The following GAN variants were observed in gnomAD, a reference collection of about 807,000 sequenced individuals.
GAN encodes the protein epididymis secretory sperm binding protein.
In GAN, 48 loss-of-function variants were observed where a neutral mutation model predicts 71.3. The observed-to-expected ratio is 0.67, with a 90% CI of 0.53 to 0.86. GAN has a LOEUF of 0.86. Among genes scored for constraint, GAN ranks in the 40% least tolerant of loss-of-function variants. The pLI is 0.00. For synonymous variants in GAN, 386 were observed against 276.8 expected (o/e 1.39, Z -3.92); for missense variants, 928 against 770.1 (o/e 1.21, Z -2.43).
intron 9 of GAN, among the ~76,000 whole-genome samples, chr16:81,368,933 GTTC>G (rs1910949646): frequency 6.6e-6 from 1 of 152,144 alleles, no homozygotes; most frequent in Non-Finnish European, 1.5e-5. Flanking sequence ...AAAGGTAATA[GTTC>G]TTAGCCACCT....
At chr16:81,335,388 G>A (rs374616498) in intron 1 of GAN, among the ~76,000 whole-genome samples, 24 of 152,130 alleles carry the variant, frequency 1.6e-4, no homozygotes, top group Non-Finnish European at 3.4e-4. Context: ...AGGCCGAGGC[G>A]GGCATATCAC....
chr16:81,318,078 G>C (rs1909105348), intron 1 of GAN, among the ~76,000 whole-genome samples: 1 of 152,110 alleles, frequency 6.6e-6, no homozygotes, highest in Admixed American at 6.5e-5. Flanking sequence ...ATTTTTACTG[G>C]TAATTTTAAT....
rs1352682074 is a variant in GAN at position 81,362,600 on chromosome 16, C to T, written c.1075C>T (p.Pro359Ser). 7.2e-6 allele frequency: 11 copies of T among 1,518,716 alleles called. No individual in the cohort carries two copies. Among genetic ancestry groups the T allele is most frequent in the East Asian group, 2.2e-5 (1 of 44,496 alleles). The allele number at this position is 1,518,716 out of a possible 1,614,324, so 94.1% of individuals were successfully genotyped here. ...TGCAAATACATGGACAGCATTGCCA[C>T]CTATGAACGAGGTAAAACACTAGTT... Reference protein sequence around the residue: ...PDANTWTALPPMNEARHNFGI... With the variant: ...PDANTWTALPSMNEARHNFGI... The change falls in exon 6 of 11, where the codon CCT (proline) becomes TCT (serine). Residue 359 changes from proline to serine, a missense_variant. Transcript: ENST00000648994.
chr16:81,350,539 A>G (rs1474791995), intron 1 of GAN, among the ~76,000 whole-genome samples: 1 of 146,552 alleles, frequency 6.8e-6, no homozygotes, highest in Non-Finnish European at 1.5e-5. Context: ...TTTTTGAGGC[A>G]GAGTCTCGCT....
chr16:81,316,973 C>T (rs1209718784), intron 1 of GAN, among the ~76,000 whole-genome samples: 1 of 152,204 alleles, frequency 6.6e-6, no homozygotes, highest in African/African-American at 2.4e-5. Flanking sequence ...ATTCTCCTGC[C>T]TCAGCCTCCC....
chr16:81,315,401 C>G, intron 1 of GAN, 121 bp downstream of exon 1: 1 of 627,128 alleles, frequency 1.6e-6, no homozygotes, highest in Non-Finnish European at 2.2e-6. Flanking sequence ...GTCCCCGCGT[C>G]ACCGTTGGCG....
chr16:81,360,176 C>G (rs965582063), intron 5 of GAN, among the ~76,000 whole-genome samples: 2 of 152,124 alleles, frequency 1.3e-5, no homozygotes, highest in African/African-American at 4.8e-5. Flanking sequence ...TCCTTCTTAA[C>G]TCCTCAGACT....
chr16:81,338,890 T>C (rs1408642515), intron 1 of GAN, among the ~76,000 whole-genome samples: 2 of 152,172 alleles, frequency 1.3e-5, no homozygotes, highest in Non-Finnish European at 2.9e-5. Context: ...GGCAGACAGG[T>C]AGATGATCAT....
chr16:81,349,616 A>C (rs1464930068), intron 1 of GAN, among the ~76,000 whole-genome samples: 3 of 152,158 alleles, frequency 2.0e-5, no homozygotes, highest in African/African-American at 7.2e-5. Context: ...TGCACTCCAG[A>C]CTGGGTGACA....
At position 81,339,835 on chromosome 16, in the gene GAN, G is replaced by C. The variant is rs1031931856; in HGVS notation, c.168-11748G>C. Among the ~76,000 whole-genome samples the C allele has an allele frequency of 2.0e-5, 3 of 152,260 alleles. No individual in the cohort carries two copies. In the South Asian group the frequency reaches 6.2e-4, roughly 32 times the overall value. Reference sequence around the variant, plus strand: ...CACAAATGGTATTGGGGGAGGTTAAGGGCAGGATAGGATGATGGGAAGGTG... The same window carrying C: ...CACAAATGGTATTGGGGGAGGTTAACGGCAGGATAGGATGATGGGAAGGTG... On this transcript the variant is annotated intron_variant, in intron 1 of 10. Transcript: ENST00000648994.
In GAN at chr16:81,380,495, G is replaced by A. The variant is rs1434579105; in HGVS notation, c.*2899G>A. 2 of 152,166 alleles carry A rather than the reference G, an allele frequency of 1.3e-5. No homozygotes were observed. The highest frequency in any genetic ancestry group is 2.9e-5 in the Non-Finnish European group (2 of 68,006). The allele number at this position is 152,166 out of a possible 1,614,324, so 9.4% of individuals were successfully genotyped here. A position where few individuals can be genotyped will look rare whatever the true frequency, so the allele number is the denominator to read the frequency against. On this transcript the variant is annotated 3_prime_UTR_variant, in exon 11 of 11. Coordinates refer to ENST00000648994, the MANE Select transcript of GAN (RefSeq NM_022041.4). Reference sequence around the variant, plus strand: ...AAAGATTTAAGTGTTTATTGAAAGTGTTTTTTGTTTTGTTTTTGATAGTGC... The same window carrying A: ...AAAGATTTAAGTGTTTATTGAAAGTATTTTTTGTTTTGTTTTTGATAGTGC...
At chr16:81,324,675 G>T (rs771234481) in intron 1 of GAN, among the ~76,000 whole-genome samples, 1 of 152,192 alleles carries the variant, frequency 6.6e-6, no homozygotes. Flanking sequence ...GCTGGCTGGG[G>T]AGGTGATAGG....
intron 1 of GAN, among the ~76,000 whole-genome samples, chr16:81,338,708 T>C (rs1909846432): frequency 6.6e-6 from 1 of 152,196 alleles, no homozygotes; most frequent in Admixed American, 6.5e-5. Context: ...GTGTAGTTAC[T>C]AAATTAGAAA....
In GAN at chr16:81,354,386, A is replaced by T; in HGVS notation, c.283-19A>T. ...AAATGTACACATTCAAATATAAGAT[A>T]ATTATGCTACTTTTTTAGATCAGGC... On this transcript the variant is annotated intron_variant, in intron 2 of 10. Transcript: ENST00000648994. 6.7e-7 allele frequency: 1 copy of T among 1,493,328 alleles called. No homozygotes were observed. Among genetic ancestry groups the T allele is most frequent in the Non-Finnish European group, 9.3e-7 (1 of 1,069,780 alleles). The allele number at this position is 1,493,328 out of a possible 1,614,324, so 92.5% of individuals were successfully genotyped here.
chr16:81,362,416 A>T, intron 5 of GAN, 83 bp from the exon 6 acceptor site: 2 of 775,212 alleles, frequency 2.6e-6, no homozygotes, highest in Non-Finnish European at 4.7e-6. Context: ...GAGTTTCTTC[A>T]GATGCTGTTT....
chr16:81,354,502 G>A lies in GAN; in HGVS notation c.380G>A (p.Gly127Asp). 1 of 1,613,976 alleles carries A rather than the reference G, an allele frequency of 6.2e-7. No individual in the cohort carries two copies. Among genetic ancestry groups the A allele is most frequent in the Non-Finnish European group, 8.5e-7 (1 of 1,179,868 alleles). The change falls in exon 3 of 11, where the codon GGC becomes GAC. Residue 127 changes from glycine to aspartate, a missense_variant. Physicochemically the swap from Gly to Asp is moderately conservative, Grantham distance 94. Transcript: ENST00000648994. Reference protein sequence around the residue: ...LKTLCCEFLEGCIAAENCIGI... With the variant: ...LKTLCCEFLEDCIAAENCIGI... ...ACCCTGTGCTGTGAGTTTTTGGAAGGCTGCATTGCTGCTGAGAACTGTATT... is the reference window on the plus strand; with the variant it reads ...ACCCTGTGCTGTGAGTTTTTGGAAGACTGCATTGCTGCTGAGAACTGTATT...
chr16:81,362,880 C>A (rs11866700), intron 6 of GAN, among the ~76,000 whole-genome samples: 5 of 152,162 alleles, frequency 3.3e-5, no homozygotes, highest in African/African-American at 4.8e-5. Context: ...CGTGGCCTGC[C>A]CCCTCCTCGC....
chr16:81,377,329 G>C lies in GAN; in HGVS notation c.1612+1G>C, dbSNP rs1567501269. The C allele has an allele frequency of 1.3e-6, 2 of 1,583,014 alleles. No individual in the cohort carries two copies. The highest frequency in any genetic ancestry group is 1.7e-6 in the Non-Finnish European group (2 of 1,151,592). On this transcript the variant is annotated splice_donor_variant, in intron 10 of 10. Coordinates refer to ENST00000648994, the MANE Select transcript of GAN (RefSeq NM_022041.4). LOFTEE classifies it high-confidence loss of function. ...TATGTTATTGGAGATCTTGATACAG[G>C]TAAGAGTGTTACAGTGATTTTCTTG...
At chr16:81,321,685 C>T (rs200903488) in intron 1 of GAN, among the ~76,000 whole-genome samples, 3 of 152,110 alleles carry the variant, frequency 2.0e-5, no homozygotes, top group African/African-American at 7.2e-5. Flanking sequence ...TCTGTGAGTG[C>T]CATGCAATAA....
Sources: gnomAD v4.1 joint callset for allele counts (sites outside exome capture counted in the v4.1 genomes callset) on GRCh38, gnomAD v4.1.1 for gene constraint, MANE v1.5 for transcripts, NCBI Gene and HGNC (gene_info 2026-07-23, HGNC 2026-07-21) for gene names.